UNC79: variants seen among roughly 807,000 people sequenced by gnomAD.
UNC79 encodes protein unc-79 homolog.
Under a neutral mutation model 283.1 loss-of-function variants are expected in UNC79, and 37 were observed. That is an observed-to-expected ratio of 0.13 (90% CI 0.10 to 0.17). UNC79 has a LOEUF of 0.17. Among genes scored for constraint, UNC79 ranks in the 10% least tolerant of loss-of-function variants. UNC79 has a pLI of 1.00. For synonymous variants in UNC79, 1,107 were observed against 1,200.2 expected (o/e 0.92, Z 1.61); for missense variants, 2,272 against 3,211.1 (o/e 0.71, Z 7.07).
At chr14:93,435,603 C>T (rs2402283) in intron 1 of UNC79, among the ~76,000 whole-genome samples, 4 of 151,906 alleles carry the variant, frequency 2.6e-5, no homozygotes, top group Non-Finnish European at 5.9e-5. Context: ...TACATACCAC[C>T]CAAATTCATT....
intron 12 of UNC79, among the ~76,000 whole-genome samples, chr14:93,539,742 A>T (rs1042913283): frequency 1.3e-5 from 2 of 152,104 alleles, no homozygotes; most frequent in African/African-American, 4.8e-5. Context: ...CTTATGTTCT[A>T]ATTTTATTTA....
At chr14:93,444,560 A>T (rs1330310687) in intron 1 of UNC79, among the ~76,000 whole-genome samples, 3 of 152,096 alleles carry the variant, frequency 2.0e-5, no homozygotes, top group African/African-American at 7.2e-5. Flanking sequence ...TAATGGTTTT[A>T]TCTCTAACAT....
intron 1 of UNC79, among the ~76,000 whole-genome samples, chr14:93,356,021 G>A: frequency 7.3e-6 from 1 of 137,778 alleles, no homozygotes; most frequent in Admixed American, 8.3e-5. Context: ...TCTATTACTA[G>A]TGTACTTTTT....
rs148323310 is a variant in UNC79 at position 93,442,638 on chromosome 14, C to T, written c.22+11587C>T. On this transcript the variant is annotated intron_variant, in intron 1 of 48. Transcript: ENST00000555664. The stretch of plus-strand genomic sequence containing the variant: ...ATCACCATGTCTTCTAATGTAGACA[C>T]GCCCAAATACATACATATTAAGATA... Among the ~76,000 whole-genome samples the T allele has an allele frequency of 4.1e-3, 624 of 152,210 alleles. 2 individuals are homozygous for T. Among genetic ancestry groups the T allele is most frequent in the Non-Finnish European group, 5.7e-3 (391 of 68,014 alleles).
At chr14:93,704,538 A>C in intron 47 of UNC79, 87 bp from the exon 51 acceptor site, 2 of 1,449,586 alleles carry the variant, frequency 1.4e-6, no homozygotes, top group South Asian at 1.1e-5. Context: ...AAGGGATTCA[A>C]TGTGGCCTGT....
intron 11 of UNC79, among the ~76,000 whole-genome samples, 177 bp from the exon 12 acceptor site, chr14:93,537,812 T>C (rs2061164447): frequency 6.6e-6 from 1 of 152,242 alleles, no homozygotes. Flanking sequence ...TCCTCGCCTT[T>C]ATTTTTTAAC....
chr14:93,555,814 C>T (rs917621294), intron 14 of UNC79, among the ~76,000 whole-genome samples: 2 of 152,088 alleles, frequency 1.3e-5, no homozygotes, highest in South Asian at 2.1e-4. Flanking sequence ...TTAAAAGGGA[C>T]AATTCTTAGG....
chr14:93,598,584 T>C (rs11623699), intron 24 of UNC79, among the ~76,000 whole-genome samples: 11,112 of 151,712 alleles, frequency 0.073, 884 homozygotes, highest in African/African-American at 0.2. Context: ...TGCAGTGGTG[T>C]GATCTCGGCT....
At chr14:93,583,371 C>T (rs2063959848) in intron 20 of UNC79, among the ~76,000 whole-genome samples, 1 of 147,918 alleles carries the variant, frequency 6.8e-6, no homozygotes, top group Admixed American at 6.6e-5. Flanking sequence ...TGGGAGCCCA[C>T]TCCAGTATCA....
chr14:93,703,158 ACT>A (rs1013446865), intron 47 of UNC79, among the ~76,000 whole-genome samples: 35 of 151,460 alleles, frequency 2.3e-4, no homozygotes, highest in African/African-American at 8.3e-4. Flanking sequence ...CCCCTCCCCG[ACT>A]CTCTGCACAC....
At chr14:93,518,811 C>CT (rs1023005349) in intron 7 of UNC79, among the ~76,000 whole-genome samples, 2 of 151,704 alleles carry the variant, frequency 1.3e-5, no homozygotes, top group African/African-American at 4.8e-5. Context: ...TAGAAGTGTG[C>CT]TTTTTAATGT....
chr14:93,446,289 G>A (rs1404459661), intron 1 of UNC79, among the ~76,000 whole-genome samples: 1 of 152,044 alleles, frequency 6.6e-6, no homozygotes, highest in Non-Finnish European at 1.5e-5. Flanking sequence ...TCCTGCTTTA[G>A]GCGCATTCCA....
At chr14:93,582,520 C>G (rs2063894668) in intron 20 of UNC79, among the ~76,000 whole-genome samples, 176 bp downstream of exon 20, 1 of 152,132 alleles carries the variant, frequency 6.6e-6, no homozygotes, top group Non-Finnish European at 1.5e-5. Flanking sequence ...CGTTACAGTT[C>G]CCATAGAACC....
chr14:93,520,194 T>C (rs1246879402), intron 7 of UNC79, among the ~76,000 whole-genome samples: 1 of 151,906 alleles, frequency 6.6e-6, no homozygotes, highest in Non-Finnish European at 1.5e-5. Context: ...AGGTTGACAG[T>C]TTTTTTCTTT....
At position 93,516,520 on chromosome 14, in the gene UNC79, C is replaced by T. The variant is rs766054103; in HGVS notation, c.899-7458C>T. Among the ~76,000 whole-genome samples, 48 of 151,020 alleles carry T rather than the reference C, an allele frequency of 3.2e-4. 1 individual carries two copies. The highest frequency in any genetic ancestry group is 5.8e-4 in the Non-Finnish European group (39 of 67,804). ...GGAGTGCAGTGGCATGATCTCAGCT[C>T]ACTGCAACCTCTGCCTCTCCGGTTC... On this transcript the variant is annotated intron_variant, in intron 7 of 48. Coordinates refer to ENST00000555664, the Ensembl canonical transcript of UNC79.
intron 1 of UNC79, among the ~76,000 whole-genome samples, chr14:93,454,647 A>G (rs1269921136): frequency 6.6e-6 from 1 of 152,244 alleles, no homozygotes; most frequent in South Asian, 2.1e-4. Flanking sequence ...GTTTACCAGC[A>G]TATAGTAAAC....
In UNC79 at chr14:93,578,075, A is replaced by G. The variant is rs780908636; in HGVS notation, c.2433+12A>G. ...TTCTCCTGAAGCAGGTAGCTGAAGCATGAGCTTCCTTTAGTTCAGAGGTGA... is the reference window on the plus strand; with the variant it reads ...TTCTCCTGAAGCAGGTAGCTGAAGCGTGAGCTTCCTTTAGTTCAGAGGTGA... On this transcript the variant is annotated intron_variant, in intron 18 of 48. Transcript: ENST00000555664. 4 of 1,612,252 alleles carry G rather than the reference A, an allele frequency of 2.5e-6. No individual in the cohort carries two copies. The highest frequency in any genetic ancestry group is 1.1e-5 in the South Asian group (1 of 90,970).
At chr14:93,530,904 G>A (rs1016783255) in intron 10 of UNC79, among the ~76,000 whole-genome samples, 2 of 151,998 alleles carry the variant, frequency 1.3e-5, no homozygotes, top group African/African-American at 4.8e-5. Context: ...GCGAGACTCC[G>A]TCTCAGAAAA....
chr14:93,536,869 C>T (rs945185260), intron 11 of UNC79, among the ~76,000 whole-genome samples: 17 of 131,348 alleles, frequency 1.3e-4, no homozygotes, highest in Admixed American at 9.1e-4. Flanking sequence ...GTTTTATATT[C>T]GAGCCCTTGC....
Sources: gnomAD v4.1 joint callset for allele counts (sites outside exome capture counted in the v4.1 genomes callset) on GRCh38, gnomAD v4.1.1 for gene constraint, MANE v1.5 for transcripts, NCBI Gene and HGNC (gene_info 2026-07-23, HGNC 2026-07-21) for gene names.